The following GOT1 variants were observed in gnomAD, a reference collection of about 807,000 sequenced individuals.
The protein encoded by GOT1 is aspartate aminotransferase, cytoplasmic.
In GOT1, 25 loss-of-function variants were observed where a neutral mutation model predicts 48.2. The ratio of observed to expected loss-of-function variants is 0.52; its 90% CI spans 0.38 to 0.72. The LOEUF (loss-of-function observed/expected upper bound fraction) is 0.72, where lower values mean the gene tolerates loss of function less well. Among genes scored for constraint, GOT1 ranks in the 30% least tolerant of loss-of-function variants. GOT1 has a pLI of 0.00. For synonymous variants in GOT1, 188 were observed against 193.8 expected (o/e 0.97, Z 0.25); for missense variants, 380 against 520.1 (o/e 0.73, Z 2.62).
At chr10:99,423,274 T>C (rs1564974653) in intron 1 of GOT1, among the ~76,000 whole-genome samples, 1 of 152,244 alleles carries the variant, frequency 6.6e-6, no homozygotes, top group Non-Finnish European at 1.5e-5. Flanking sequence ...AGTGGATAAA[T>C]AATATTTGTT....
intron 3 of GOT1, 98 bp from the exon 4 acceptor site, chr10:99,406,347 T>A: frequency 8.6e-6 from 7 of 817,142 alleles, no homozygotes; most frequent in Non-Finnish European, 1.5e-5. Context: ...CCAGGCTCAA[T>A]GTCCACTGGG....
In GOT1 at chr10:99,402,615, T is replaced by C; in HGVS notation, c.1067A>G (p.Asp356Gly). ...KTPGTWNHIT[D>G]QIGMFSFTGL... The stretch of plus-strand genomic sequence containing the variant: ...AGTGAAGCTGAACATGCCAATTTGA[T>C]CAGTGATGTGGTTCCAGGTCCCAGG... The change falls in exon 8 of 9, where the codon GAT becomes GGT. Residue 356 changes from aspartate (D) to glycine (G), a missense_variant. Coordinates refer to ENST00000370508, the MANE Select transcript of GOT1 (RefSeq NM_002079.3). 6.2e-7 allele frequency: 1 copy of C among 1,614,194 alleles called. No individual in the cohort carries two copies. The highest frequency in any genetic ancestry group is 8.5e-7 in the Non-Finnish European group (1 of 1,180,038).
intron 2 of GOT1, among the ~76,000 whole-genome samples, chr10:99,414,869 C>T (rs1288637015): frequency 6.6e-6 from 1 of 151,248 alleles, no homozygotes; most frequent in Non-Finnish European, 1.5e-5. Context: ...TGAAGGCAGA[C>T]ATAAAGGTGT....
In GOT1 at chr10:99,405,769, G is replaced by T; in HGVS notation, c.629C>A (p.Ala210Asp). ...DPTPEQWKQI[A>D]SVMKHRFLFP... Reference sequence around the variant, plus strand: ...AGGGGCAGTTACCTTCATGACAGAAGCAATCTGCTTCCACTGCTCCGGAGT... The same window carrying T: ...AGGGGCAGTTACCTTCATGACAGAATCAATCTGCTTCCACTGCTCCGGAGT... Residue 210 changes from alanine to aspartate, a missense_variant, in exon 5 of 9, where the codon GCT becomes GAT. Physicochemically the swap from Ala to Asp is moderately radical, Grantham distance 126. Transcript: ENST00000370508. 1.3e-6 allele frequency: 2 copies of T among 1,568,524 alleles called. No homozygotes were observed. Among genetic ancestry groups the T allele is most frequent in the Non-Finnish European group, 8.8e-7 (1 of 1,138,362 alleles).
At chr10:99,430,000 C>G (rs575284289) in intron 1 of GOT1, among the ~76,000 whole-genome samples, 4 of 152,286 alleles carry the variant, frequency 2.6e-5, no homozygotes, top group African/African-American at 9.6e-5. Flanking sequence ...CTGATTGATA[C>G]TCGGTGGTCA....
At chr10:99,405,671 G>T in intron 5 of GOT1, 85 bp downstream of exon 5, 1 of 715,144 alleles carries the variant, frequency 1.4e-6, no homozygotes. Context: ...TAATTCCTCA[G>T]CAAACAGCAA....
chr10:99,398,178 A>G (rs954353016), intron 8 of GOT1, among the ~76,000 whole-genome samples: 2 of 152,176 alleles, frequency 1.3e-5, no homozygotes, highest in African/African-American at 4.8e-5. Flanking sequence ...GAATTAACCA[A>G]TGAGCTGAGA....
intron 2 of GOT1, among the ~76,000 whole-genome samples, chr10:99,416,311 G>A (rs554950212): frequency 7.4e-6 from 1 of 135,754 alleles, no homozygotes; most frequent in Non-Finnish European, 1.8e-5. Context: ...GACAAATAGA[G>A]AGCCAAATCA....
chr10:99,430,624 T>C lies in GOT1; in HGVS notation c.-59A>G. On this transcript the variant is annotated 5_prime_UTR_variant, in exon 1 of 9. Transcript: ENST00000370508. ...ACGCCCGGAGCTGGCAGGTCAGGTC[T>C]GGCCGTTGCGACTGGAGGAGACACT... 2 of 1,427,050 alleles carry C rather than the reference T, an allele frequency of 1.4e-6. No homozygotes were observed. The highest frequency in any genetic ancestry group is 1.4e-5 in the African/African-American group (1 of 70,290). The allele number at this position is 1,427,050 out of a possible 1,614,324, so 88.4% of individuals were successfully genotyped here.
rs1459554352 is a variant in GOT1, at chr10:99,430,138, C to G, written c.118+310G>C. On this transcript the variant is annotated intron_variant, in intron 1 of 8. Transcript: ENST00000370508. ...TTCTACCTCTCTCTACAAGCTCCGG[C>G]AGCCTCATTTCTTAGGAGGATGCAG... 5.2e-6 allele frequency: 3 copies of G among 580,794 alleles called. No individual in the cohort carries two copies. In the East Asian group the frequency reaches 1.5e-4, roughly 28 times the overall value. 36.0% of individuals were successfully genotyped at this position (580,794 alleles called of 1,614,324 possible).
At chr10:99,416,204 C>T (rs140615754) in intron 2 of GOT1, among the ~76,000 whole-genome samples, 1,903 of 152,186 alleles carry the variant, frequency 0.013, 46 homozygotes, top group African/African-American at 0.044. Flanking sequence ...CATCGTCTCA[C>T]CACAAAATCT....
chr10:99,402,620 G>A lies in GOT1; in HGVS notation c.1062C>T (p.Ile354=), dbSNP rs2032696170. 6.2e-7 allele frequency: 1 copy of A among 1,614,224 alleles called. No homozygotes were observed. Among genetic ancestry groups the A allele is most frequent in the Non-Finnish European group, 8.5e-7 (1 of 1,180,030 alleles). The change falls in exon 8 of 9, where the codon ATC becomes ATT. Residue 354 remains isoleucine, a synonymous_variant. Coordinates refer to ENST00000370508, the MANE Select transcript of GOT1 (RefSeq NM_002079.3). The stretch of plus-strand genomic sequence containing the variant: ...AGCTGAACATGCCAATTTGATCAGT[G>A]ATGTGGTTCCAGGTCCCAGGGGTTT... ...ALKTPGTWNH[I]TDQIGMFSFT...
intron 2 of GOT1, among the ~76,000 whole-genome samples, 182 bp from the exon 3 acceptor site, chr10:99,407,031 A>C (rs996445872): frequency 1.3e-5 from 2 of 152,226 alleles, no homozygotes; most frequent in Non-Finnish European, 2.9e-5. Flanking sequence ...CCATGTTTAC[A>C]ACTGAGGAAA....
chr10:99,406,891 G>A, intron 2 of GOT1, 42 bp from the exon 3 acceptor site: 1 of 1,601,438 alleles, frequency 6.2e-7, no homozygotes, highest in Non-Finnish European at 8.6e-7. Context: ...TAATGGTGAG[G>A]TCAGATAATA....
Position 99,409,125 on chromosome 10 carries a change from T to G in GOT1, c.301-2276A>C, listed in dbSNP as rs189814028. Among the ~76,000 whole-genome samples the G allele has an allele frequency of 2.4e-3, 361 of 149,282 alleles. 2 individuals carry two copies. Among genetic ancestry groups the G allele is most frequent in the Non-Finnish European group, 3.9e-3 (263 of 67,216 alleles). On this transcript the variant is annotated intron_variant, in intron 2 of 8. Coordinates refer to ENST00000370508, the MANE Select transcript of GOT1 (RefSeq NM_002079.3). ...ATGTTCCATAATAAAAAGGTTTTTT[T>G]TGTGTTTTTTTTTTGTTTGTTTTTT...
chr10:99,409,273 C>A (rs1564970984), intron 2 of GOT1, among the ~76,000 whole-genome samples: 1 of 152,068 alleles, frequency 6.6e-6, no homozygotes, highest in Non-Finnish European at 1.5e-5. Flanking sequence ...GCTGGGACTA[C>A]AGGCACGTAC....
At chr10:99,430,294 T>G in intron 1 of GOT1, 154 bp downstream of exon 1, 1 of 1,575,666 alleles carries the variant, frequency 6.3e-7, no homozygotes, top group Non-Finnish European at 8.6e-7. Context: ...ATGGGCAGGT[T>G]TTAGGAAGCC....
chr10:99,420,882 G>A, intron 1 of GOT1, 77 bp from the exon 2 acceptor site: 2 of 1,178,184 alleles, frequency 1.7e-6, no homozygotes, highest in East Asian at 4.7e-5. Context: ...TGTGAACCAG[G>A]AGAATCCCAC....
At chr10:99,427,081 T>C (rs1183281766) in intron 1 of GOT1, among the ~76,000 whole-genome samples, 1 of 152,202 alleles carries the variant, frequency 6.6e-6, no homozygotes, top group East Asian at 1.9e-4. Context: ...CGGGTCACAG[T>C]GATGATCAAA....
Sources: allele counts gnomAD v4.1 joint callset (sites outside exome capture counted in the v4.1 genomes callset), GRCh38; gene constraint gnomAD v4.1.1; transcripts MANE v1.5; gene names NCBI Gene and HGNC (gene_info 2026-07-23, HGNC 2026-07-21).